The following LOXHD1 variants were observed in gnomAD, a reference collection of about 807,000 sequenced individuals.
LOXHD1 encodes the protein lipoxygenase homology PLAT domains 1, also known as lipoxygenase homology domain-containing protein 1.
LOXHD1 carries 205 observed loss-of-function variants against 248.2 expected under a neutral mutation model. That is an observed-to-expected ratio of 0.83 (90% CI 0.74 to 0.93). LOXHD1 has a LOEUF of 0.93. LOXHD1 is among the 40% of genes least tolerant of loss of function. The pLI is 0.00. For synonymous variants in LOXHD1, 1,113 were observed against 1,162.8 expected (o/e 0.96, Z 0.87); for missense variants, 2,930 against 2,971.6 (o/e 0.99, Z 0.33).
At chr18:46,626,141 T>C (rs937292995) in intron 4 of LOXHD1, among the ~76,000 whole-genome samples, 1 of 152,202 alleles carries the variant, frequency 6.6e-6, no homozygotes, top group African/African-American at 2.4e-5. Flanking sequence ...AGGATGTCTA[T>C]CACAGCATTG....
In LOXHD1 at chr18:46,618,248, C is replaced by G. The variant is rs1005117241; in HGVS notation, c.554G>C (p.Gly185Ala). The G allele has an allele frequency of 6.4e-7, 1 of 1,551,504 alleles. No homozygotes were observed. Among genetic ancestry groups the G allele is most frequent in the Non-Finnish European group, 8.7e-7 (1 of 1,146,834 alleles). The change falls in exon 5 of 41, where the codon GGT becomes GCT. Residue 185 changes from glycine to alanine, a missense_variant. Gly to Ala is a moderately conservative substitution (Grantham distance 60, BLOSUM62 0). Coordinates refer to ENST00000642948, the MANE Select transcript of LOXHD1 (RefSeq NM_001384474.1). ...GAAGACATCAGCATCTGTCCCTGCA[C>G]CAATTACATCACCAGTGTATACCTT... ...EVKVYTGDVI[G>A]AGTDADVFIN...
intron 2 of LOXHD1, among the ~76,000 whole-genome samples, chr18:46,646,293 G>A (rs1314484807): frequency 1.3e-5 from 2 of 152,140 alleles, no homozygotes; most frequent in African/African-American, 2.4e-5. Flanking sequence ...TAGACCTCAC[G>A]GAGCAAGGGG....
chr18:46,545,471 G>T, intron 22 of LOXHD1, 50 bp from the exon 23 acceptor site: 1 of 1,397,882 alleles, frequency 7.2e-7, no homozygotes, highest in Non-Finnish European at 9.9e-7. Flanking sequence ...TTCCTTTCAT[G>T]AAAGGAGGAA....
chr18:46,543,044 C>A (rs915351563), intron 23 of LOXHD1, among the ~76,000 whole-genome samples, 189 bp from the exon 24 acceptor site: 5 of 152,156 alleles, frequency 3.3e-5, no homozygotes, highest in Non-Finnish European at 7.4e-5. Flanking sequence ...ATTTCAATAG[C>A]TTTTGGGGTA....
At position 46,569,464 on chromosome 18, in the gene LOXHD1, A is replaced by G; in HGVS notation, c.2222T>C (p.Leu741Pro). 6.4e-7 allele frequency: 1 copy of G among 1,552,136 alleles called. No homozygotes were observed. The highest frequency in any genetic ancestry group is 8.7e-7 in the Non-Finnish European group (1 of 1,147,058). ...TACATTTCCAATGTTCAGGGTCTCG[A>G]GGGTGAACTCATCCACCCGGCCACG... ...FERGRVDEFTLETLNIGNINR... is the reference protein window; with the variant it reads ...FERGRVDEFTPETLNIGNINR... The change falls in exon 16 of 41, where the codon CTC becomes CCC. Residue 741 changes from leucine to proline, a missense_variant. Physicochemically the swap from Leu to Pro is moderately conservative, Grantham distance 98. Transcript: ENST00000642948.
intron 37 of LOXHD1, among the ~76,000 whole-genome samples, chr18:46,499,329 G>T (rs1466582988): frequency 6.6e-6 from 1 of 152,172 alleles, no homozygotes; most frequent in Non-Finnish European, 1.5e-5. Context: ...CAGGGGAAGG[G>T]AATGGCAGGT....
chr18:46,496,543 G>C lies in LOXHD1; in HGVS notation c.5879-7401C>G, dbSNP rs1354191221. On this transcript the variant is annotated intron_variant, in intron 37 of 40. Coordinates refer to ENST00000642948, the MANE Select transcript of LOXHD1 (RefSeq NM_001384474.1). ...AAAAATTAAAATAAACATAAAAAGTGTGGCATAGAGAGAGTCTAAGGACAT... is the reference window on the plus strand; with the variant it reads ...AAAAATTAAAATAAACATAAAAAGTCTGGCATAGAGAGAGTCTAAGGACAT... Among the ~76,000 whole-genome samples, 4 of 152,194 alleles carry C rather than the reference G, an allele frequency of 2.6e-5. No homozygotes were observed. In the South Asian group the frequency reaches 6.2e-4, roughly 24 times the overall value.
intron 37 of LOXHD1, among the ~76,000 whole-genome samples, chr18:46,497,088 G>T (rs1170085085): frequency 6.6e-6 from 1 of 152,194 alleles, no homozygotes; most frequent in African/African-American, 2.4e-5. Context: ...TATTATCCTG[G>T]TTTCAGACCC....
chr18:46,638,950 T>C (rs953727494), intron 4 of LOXHD1, among the ~76,000 whole-genome samples: 4 of 152,156 alleles, frequency 2.6e-5, no homozygotes, highest in African/African-American at 9.7e-5. Context: ...GAGCAGGGTA[T>C]TCTGGTGATG....
At chr18:46,536,090 A>C (rs1208532195) in intron 26 of LOXHD1, among the ~76,000 whole-genome samples, 2 of 152,150 alleles carry the variant, frequency 1.3e-5, no homozygotes, top group Non-Finnish European at 2.9e-5. Context: ...AGTCTGCTTA[A>C]CCTTTCTGCA....
intron 37 of LOXHD1, among the ~76,000 whole-genome samples, chr18:46,490,379 C>T (rs140432093): frequency 4.6e-5 from 7 of 152,336 alleles, no homozygotes; most frequent in East Asian, 1.9e-4. Context: ...GTACTTCTTA[C>T]GTTTTGTAAA....
intron 32 of LOXHD1, 54 bp from the exon 33 acceptor site, chr18:46,521,336 T>A (rs569525991): frequency 6.5e-7 from 1 of 1,536,876 alleles, no homozygotes; most frequent in East Asian, 2.4e-5. Flanking sequence ...GGGAAGGAAG[T>A]GCTCCCTGCC....
chr18:46,606,629 A>G (rs1426974745), intron 6 of LOXHD1, among the ~76,000 whole-genome samples: 2 of 152,208 alleles, frequency 1.3e-5, no homozygotes, highest in Admixed American at 6.5e-5. Context: ...ATATCTCATT[A>G]TGTATATGCA....
At chr18:46,618,154 G>T (rs1286432310) in intron 5 of LOXHD1, 38 bp downstream of exon 5, 3 of 1,474,574 alleles carry the variant, frequency 2.0e-6, no homozygotes, top group South Asian at 1.2e-5. Context: ...AAATAGTCCT[G>T]GGCTTGGCTT....
chr18:46,646,824 A>G (rs1385612647), intron 2 of LOXHD1, among the ~76,000 whole-genome samples: 1 of 152,212 alleles, frequency 6.6e-6, no homozygotes, highest in Admixed American at 6.5e-5. Flanking sequence ...AGCCACACTG[A>G]TACCACTGGC....
intron 20 of LOXHD1, chr18:46,559,243 G>A (rs1200379311): frequency 6.6e-7 from 1 of 1,512,002 alleles, no homozygotes; most frequent in African/African-American, 1.4e-5. Flanking sequence ...ATGGGCTCTA[G>A]GTGCTGGGGC....
chr18:46,535,673 A>G (rs1334996659), intron 26 of LOXHD1, among the ~76,000 whole-genome samples: 1 of 151,970 alleles, frequency 6.6e-6, no homozygotes, highest in Non-Finnish European at 1.5e-5. Flanking sequence ...GGTTCAAGCA[A>G]TTCTCTCCTG....
chr18:46,618,273 T>C lies in LOXHD1; in HGVS notation c.529A>G (p.Lys177Glu), dbSNP rs1016499880. 2 of 1,550,878 alleles carry C rather than the reference T, an allele frequency of 1.3e-6. No individual in the cohort carries two copies. The highest frequency in any genetic ancestry group is 2.7e-5 in the African/African-American group (2 of 73,050). The change falls in exon 5 of 41, where the codon AAG becomes GAG. Residue 177 changes from lysine (K) to glutamate (E), a missense_variant. Lys to Glu is a moderately conservative substitution (Grantham distance 56). Coordinates refer to ENST00000642948, the MANE Select transcript of LOXHD1 (RefSeq NM_001384474.1). ...DMPRGNKYEV[K>E]VYTGDVIGAG... ...CCAATTACATCACCAGTGTATACCT[T>C]GACTTCATACTTATTACCTAGGAAC...
At chr18:46,533,559 T>C (rs1370476363) in intron 27 of LOXHD1, 8 of 503,824 alleles carry the variant, frequency 1.6e-5, no homozygotes, top group Admixed American at 6.7e-5. Flanking sequence ...CACTTAAAAA[T>C]AGGTATCTGA....
Sources: allele counts gnomAD v4.1 joint callset (sites outside exome capture counted in the v4.1 genomes callset), GRCh38; gene constraint gnomAD v4.1.1; transcripts MANE v1.5; gene names NCBI Gene and HGNC (gene_info 2026-07-23, HGNC 2026-07-21).